COL4A5: variants seen among roughly 807,000 people sequenced by gnomAD.
COL4A5 encodes the protein collagen type IV alpha 5 chain, also known as collagen alpha-5(IV) chain.
A neutral mutation model predicts 130.2 loss-of-function variants in COL4A5; 26 were observed. The ratio of observed to expected loss-of-function variants is 0.20; its 90% CI spans 0.15 to 0.28. The LOEUF is 0.28. Among genes scored for constraint, COL4A5 ranks in the 10% least tolerant of loss-of-function variants. The probability of loss-of-function intolerance (pLI) is 1.00; values close to 1 mark genes in which losing one functional copy is unlikely to be tolerated. For missense variants in COL4A5, 1,131 were observed against 1,344.3 expected (o/e 0.84, Z 2.48); for synonymous variants, 496 against 439.6 (o/e 1.13, Z -1.60).
At chrX:108,583,512 T>A (rs891808167) in intron 17 of COL4A5, among the ~76,000 whole-genome samples, 1 of 111,714 alleles carries the variant, frequency 9.0e-6, no homozygotes, top group South Asian at 3.7e-4. Flanking sequence ...TAACCAGTCC[T>A]CCAATCCCTC....
chrX:108,683,416 T>C (rs1185297105), intron 47 of COL4A5, among the ~76,000 whole-genome samples: 1 of 111,823 alleles, frequency 8.9e-6, no homozygotes, highest in Non-Finnish European at 1.9e-5. Flanking sequence ...GTAGTTTTTT[T>C]CTAATTCTGT....
At chrX:108,550,752 CAT>C (rs1178177499) in intron 2 of COL4A5, among the ~76,000 whole-genome samples, 1 of 111,350 alleles carries the variant, frequency 9.0e-6, no homozygotes, top group African/African-American at 3.3e-5. Flanking sequence ...TTGATGATGA[CAT>C]GATTTTTCAA....
intron 2 of COL4A5, among the ~76,000 whole-genome samples, chrX:108,544,655 T>A (rs2065614740): frequency 9.0e-6 from 1 of 111,377 alleles, no homozygotes; most frequent in Non-Finnish European, 1.9e-5. Context: ...CTTTTTTTTT[T>A]ATTGATTGGA....
intron 1 of COL4A5, among the ~76,000 whole-genome samples, chrX:108,473,633 A>ATATATATATATTTTTTTTT: frequency 2.9e-5 from 1 of 34,561 alleles, no homozygotes; most frequent in Non-Finnish European, 6.0e-5. Flanking sequence ...ATATATATAT[A>ATATATATATATTTTTTTTT]TTTTTTTTTT....
intron 49 of COL4A5, among the ~76,000 whole-genome samples, chrX:108,692,377 A>G (rs2068651435): frequency 9.0e-6 from 1 of 111,313 alleles, no homozygotes; most frequent in African/African-American, 3.3e-5. Flanking sequence ...AGAAGAAGAG[A>G]GGGCAGCCTG....
chrX:108,659,916 C>G (rs776278490), intron 37 of COL4A5, among the ~76,000 whole-genome samples: 1 of 111,025 alleles, frequency 9.0e-6, no homozygotes, highest in South Asian at 3.7e-4. Flanking sequence ...TAGTCTTCCA[C>G]ATTGCTATTT....
At chrX:108,566,584 T>C (rs982915963) in intron 4 of COL4A5, among the ~76,000 whole-genome samples, 12 of 110,076 alleles carry the variant, frequency 1.1e-4, no homozygotes, top group Admixed American at 2.9e-4. Flanking sequence ...AGTCTCGCTC[T>C]GTCGCCCAGG....
chrX:108,516,525 A>T (rs2065222620), intron 1 of COL4A5, among the ~76,000 whole-genome samples: 1 of 111,856 alleles, frequency 8.9e-6, no homozygotes, highest in Admixed American at 9.5e-5. Flanking sequence ...GAAACACAGG[A>T]TACGTCTGTA....
chrX:108,525,244 C>G (rs1352647794), intron 1 of COL4A5, among the ~76,000 whole-genome samples: 1 of 111,126 alleles, frequency 9.0e-6, no homozygotes, highest in Non-Finnish European at 1.9e-5. Context: ...TTATAAAATT[C>G]CTCTCTCTAT....
intron 4 of COL4A5, among the ~76,000 whole-genome samples, chrX:108,568,162 C>A (rs768900705): frequency 9.5e-4 from 106 of 111,791 alleles, no homozygotes; most frequent in African/African-American, 3.3e-3. Context: ...TATGAGAATA[C>A]TTTTTCACCA....
At chrX:108,578,183 T>C (rs1271655560) in intron 12 of COL4A5, 64 bp downstream of exon 12, 1 of 1,144,245 alleles carries the variant, frequency 8.7e-7, no homozygotes, top group African/African-American at 1.8e-5. Flanking sequence ...TCATTTGAAC[T>C]GTCTTTTTCT....
chrX:108,460,483 G>A (rs929654212), intron 1 of COL4A5, among the ~76,000 whole-genome samples: 3 of 107,352 alleles, frequency 2.8e-5, no homozygotes, highest in Non-Finnish European at 5.8e-5. Context: ...GAGTTCCTAG[G>A]GTTTTTGTTT....
chrX:108,576,059 CAT>C (rs1024387983), intron 10 of COL4A5, 87 bp downstream of exon 10: 1 of 577,071 alleles, frequency 1.7e-6, no homozygotes, highest in Non-Finnish European at 2.9e-6. Flanking sequence ...TACTTGAAAA[CAT>C]AATGCATTCT....
chrX:108,548,170 A>C (rs2065694517), intron 2 of COL4A5, among the ~76,000 whole-genome samples: 1 of 111,615 alleles, frequency 9.0e-6, no homozygotes, highest in Non-Finnish European at 1.9e-5. Flanking sequence ...CTCAGTTGGA[A>C]ATGCAGAAAT....
intron 30 of COL4A5, among the ~76,000 whole-genome samples, chrX:108,616,215 GT>G (rs767806022): frequency 3.8e-5 from 4 of 104,520 alleles, no homozygotes; most frequent in African/African-American, 1.0e-4. Flanking sequence ...TTGACCTGCT[GT>G]TTTTTTTTTG....
At chrX:108,527,461 A>C (rs373080378) in intron 1 of COL4A5, among the ~76,000 whole-genome samples, 14 of 111,783 alleles carry the variant, frequency 1.3e-4, no homozygotes, top group African/African-American at 4.2e-4. Flanking sequence ...TCATATTACC[A>C]ATGTGTATTT....
At chrX:108,569,526 C>T (rs2066026009) in intron 6 of COL4A5, among the ~76,000 whole-genome samples, 1 of 103,091 alleles carries the variant, frequency 9.7e-6, no homozygotes, top group Admixed American at 1.1e-4. Context: ...AATTCTTATT[C>T]CCTCCCCTTT....
chrX:108,548,789 C>T (rs1333433978), intron 2 of COL4A5, among the ~76,000 whole-genome samples: 3 of 111,156 alleles, frequency 2.7e-5, no homozygotes, highest in African/African-American at 9.8e-5. Flanking sequence ...ACAGACTTCT[C>T]ATCAAAAAGA....
intron 36 of COL4A5, among the ~76,000 whole-genome samples, chrX:108,652,201 C>T (rs1351108890): frequency 8.9e-6 from 1 of 111,801 alleles, no homozygotes; most frequent in African/African-American, 3.2e-5. Context: ...TATCCAAACT[C>T]ATAAGTATGT....
Sources: allele counts gnomAD v4.1 joint callset (sites outside exome capture counted in the v4.1 genomes callset), GRCh38; gene constraint gnomAD v4.1.1; transcripts MANE v1.5; gene names NCBI Gene and HGNC (gene_info 2026-07-23, HGNC 2026-07-21).